The following VLDLR variants were observed in gnomAD, a reference collection of about 807,000 sequenced individuals.
VLDLR encodes very low density lipoprotein receptor.
In VLDLR, 81 loss-of-function variants were observed where a neutral mutation model predicts 112.7. That is an observed-to-expected ratio of 0.72 (90% CI 0.60 to 0.86). The LOEUF is 0.86. Ranked by LOEUF, VLDLR falls within the 40% of genes least tolerant of loss-of-function variation. The pLI, the probability that VLDLR is intolerant of heterozygous loss-of-function variation, is 0.00. For synonymous variants in VLDLR, 436 were observed against 384.8 expected, an observed-to-expected ratio of 1.13 and a Z score of -1.56; for missense variants, 1,237 against 1,099.4, an observed-to-expected ratio of 1.13 and a Z score of -1.77.
In VLDLR at chr9:2,653,969, T is replaced by A; in HGVS notation, c.*101T>A. 3.3e-6 allele frequency: 4 copies of A among 1,224,072 alleles called. No individual in the cohort carries two copies. Among genetic ancestry groups the A allele is most frequent in the Non-Finnish European group, 4.8e-6 (4 of 828,678 alleles). 75.8% of individuals were successfully genotyped at this position (1,224,072 alleles called of 1,614,324 possible). A position where few individuals can be genotyped will look rare whatever the true frequency, so the allele number is the denominator to read the frequency against. ...GAAGTCTCTTTTTCTTCCTCTCGGCTGGAAGAACATCAAGATACCTTTGCG... is the reference window on the plus strand; with the variant it reads ...GAAGTCTCTTTTTCTTCCTCTCGGCAGGAAGAACATCAAGATACCTTTGCG... On this transcript the variant is annotated 3_prime_UTR_variant, in exon 19 of 19. Transcript: ENST00000382100.
In VLDLR at chr9:2,656,399, G is replaced by T. The variant is rs936961590; in HGVS notation, c.*2531G>T. On this transcript the variant is annotated 3_prime_UTR_variant, in exon 19 of 19. Coordinates refer to ENST00000382100, the MANE Select transcript of VLDLR (RefSeq NM_003383.5). ...ACTTGAGGCCAGGAGTTCGAGACCA[G>T]CCTGAGCAACATGGTGAGACCCTGT... 1.3e-5 allele frequency: 2 copies of T among 151,984 alleles called. No individual in the cohort carries two copies. The highest frequency in any genetic ancestry group is 4.8e-5 in the African/African-American group (2 of 41,368). 9.4% of individuals were successfully genotyped at this position (151,984 alleles called of 1,614,324 possible).
chr9:2,632,521 A>C (rs983532796), intron 1 of VLDLR, among the ~76,000 whole-genome samples: 10 of 152,308 alleles, frequency 6.6e-5, no homozygotes, highest in African/African-American at 2.4e-4. Context: ...ATAATACTGA[A>C]TTTGAGACGT....
chr9:2,653,520 C>T lies in VLDLR; in HGVS notation c.2587-313C>T, dbSNP rs74356352. Among the ~76,000 whole-genome samples, 1,297 of 152,264 alleles carry T rather than the reference C, an allele frequency of 8.5e-3. 25 individuals carry two copies. The highest frequency in any genetic ancestry group is 0.03 in the African/African-American group (1,236 of 41,550). On this transcript the variant is annotated intron_variant, in intron 18 of 18. Coordinates refer to ENST00000382100, the MANE Select transcript of VLDLR (RefSeq NM_003383.5). ...TATTGATCACTCCCCTCTCAAACTC[C>T]GGTGAAACATGGAACAGTGGTCAAT... is the stretch of plus-strand genomic sequence containing the variant.
intron 13 of VLDLR, 24 bp from the exon 14 acceptor site, chr9:2,648,645 G>T (rs1217109434): frequency 6.2e-7 from 1 of 1,614,038 alleles, no homozygotes; most frequent in Admixed American, 1.7e-5. Context: ...GGATGTACAT[G>T]CTAATTGTGG....
intron 1 of VLDLR, among the ~76,000 whole-genome samples, chr9:2,625,819 T>C (rs1817065105): frequency 6.6e-6 from 1 of 152,262 alleles, no homozygotes; most frequent in Non-Finnish European, 1.5e-5. Context: ...CGGAAGTAAG[T>C]AGTCCAGGGA....
At chr9:2,627,325 A>G (rs1389698086) in intron 1 of VLDLR, among the ~76,000 whole-genome samples, 1 of 152,238 alleles carries the variant, frequency 6.6e-6, no homozygotes, top group Non-Finnish European at 1.5e-5. Context: ...TCTGCAGATA[A>G]TCCTACAAAA....
chr9:2,633,045 A>T (rs1161849010), intron 1 of VLDLR, among the ~76,000 whole-genome samples: 10 of 113,700 alleles, frequency 8.8e-5, no homozygotes, highest in African/African-American at 2.4e-4. Flanking sequence ...AGAGAGAGAG[A>T]GAGAGAGTGT....
rs1423757181 is a variant in VLDLR at position 2,651,963 on chromosome 9, A to C, written c.2416+9A>C. The C allele has an allele frequency of 1.2e-6, 2 of 1,613,786 alleles. No individual in the cohort carries two copies. The highest frequency in any genetic ancestry group is 1.7e-6 in the Non-Finnish European group (2 of 1,179,784). On this transcript the variant is annotated intron_variant, in intron 17 of 18. Coordinates refer to ENST00000382100, the MANE Select transcript of VLDLR (RefSeq NM_003383.5). The stretch of plus-strand genomic sequence containing the variant: ...GGCCATTCTTCCTCTCTGTAAGTAG[A>C]TTTCCTACAAGTCTGGGTTCAAGAA...
chr9:2,650,328 C>G (rs201223952), intron 14 of VLDLR, 42 bp from the exon 15 acceptor site: 1 of 1,612,314 alleles, frequency 6.2e-7, no homozygotes, highest in Non-Finnish European at 8.5e-7. Context: ...ATATACTAGG[C>G]ACCGGAATAC....
intron 14 of VLDLR, among the ~76,000 whole-genome samples, chr9:2,649,465 C>G (rs541707840): frequency 1.2e-4 from 19 of 152,302 alleles, no homozygotes; most frequent in African/African-American, 4.6e-4. Context: ...AATCTCGGCT[C>G]ACTGCAACCT....
chr9:2,632,054 T>C (rs1817372017), intron 1 of VLDLR, among the ~76,000 whole-genome samples: 1 of 152,150 alleles, frequency 6.6e-6, no homozygotes, highest in Admixed American at 6.5e-5. Flanking sequence ...AGGAATTCAT[T>C]CATTACAAAT....
At chr9:2,641,559 G>T in intron 4 of VLDLR, 60 bp downstream of exon 4, 1 of 1,611,146 alleles carries the variant, frequency 6.2e-7, no homozygotes. Context: ...GGAAGGGTGG[G>T]CAGGGGAAAC....
At chr9:2,633,040 G>C (rs1426379400) in intron 1 of VLDLR, among the ~76,000 whole-genome samples, 1 of 100,972 alleles carries the variant, frequency 9.9e-6, no homozygotes, top group African/African-American at 3.8e-5. Flanking sequence ...TGGAGAGAGA[G>C]AGAGAGAGAG....
At chr9:2,624,890 C>T (rs929363031) in intron 1 of VLDLR, among the ~76,000 whole-genome samples, 3 of 152,176 alleles carry the variant, frequency 2.0e-5, no homozygotes, top group African/African-American at 4.8e-5. Flanking sequence ...AGCTTTGTTC[C>T]CTGGATCACC....
chr9:2,626,536 A>C (rs1236746566), intron 1 of VLDLR, among the ~76,000 whole-genome samples: 1 of 152,222 alleles, frequency 6.6e-6, no homozygotes, highest in African/African-American at 2.4e-5. Flanking sequence ...TCTAAGCAAG[A>C]GAATGCCTGT....
At chr9:2,623,691 T>C (rs1586629870) in intron 1 of VLDLR, among the ~76,000 whole-genome samples, 1 of 152,310 alleles carries the variant, frequency 6.6e-6, no homozygotes, top group East Asian at 1.9e-4. Flanking sequence ...CCGCGGACTC[T>C]TAAGTGGGCA....
At chr9:2,629,685 T>A (rs1158229539) in intron 1 of VLDLR, among the ~76,000 whole-genome samples, 2 of 152,256 alleles carry the variant, frequency 1.3e-5, no homozygotes, top group African/African-American at 4.8e-5. Flanking sequence ...AAATGGAAAT[T>A]GAATGTAACT....
chr9:2,647,396 T>G, intron 11 of VLDLR, 78 bp from the exon 12 acceptor site: 1 of 1,267,656 alleles, frequency 7.9e-7, no homozygotes, highest in Non-Finnish European at 1.2e-6. Flanking sequence ...TGCTCAAATT[T>G]TAAATTTTTG....
intron 7 of VLDLR, 85 bp downstream of exon 7, chr9:2,644,044 G>A: frequency 1.3e-6 from 2 of 1,599,274 alleles, no homozygotes; most frequent in Non-Finnish European, 1.7e-6. Flanking sequence ...CCCCGTGATG[G>A]CTAGTTAAAC....
Sources: allele counts gnomAD v4.1 joint callset (sites outside exome capture counted in the v4.1 genomes callset), GRCh38; gene constraint gnomAD v4.1.1; transcripts MANE v1.5; gene names NCBI Gene and HGNC (gene_info 2026-07-23, HGNC 2026-07-21).